Variants in KCNMA1 observed in about 807,000 individuals in gnomAD.
KCNMA1 encodes the protein potassium calcium-activated channel subfamily M alpha 1.
KCNMA1 carries 29 observed loss-of-function variants against 140.0 expected under a neutral mutation model. The observed-to-expected ratio is 0.21, with a 90% CI of 0.15 to 0.28. The LOEUF is 0.28. KCNMA1 is among the 10% of genes least tolerant of loss of function. The pLI, the probability that KCNMA1 is intolerant of heterozygous loss-of-function variation, is 1.00. For synonymous variants in KCNMA1, 612 were observed against 611.9 expected, an observed-to-expected ratio of 1.00 and a Z score of 0.00; for missense variants, 880 against 1,602.2, an observed-to-expected ratio of 0.55 and a Z score of 7.70.
chr10:77,261,460 T>C (rs1183340946), intron 2 of KCNMA1, among the ~76,000 whole-genome samples: 2 of 152,178 alleles, frequency 1.3e-5, no homozygotes, highest in Non-Finnish European at 2.9e-5. Context: ...CAGGTTCGTG[T>C]TCCCCAAACA....
intron 20 of KCNMA1, among the ~76,000 whole-genome samples, chr10:76,968,460 G>A (rs1934229606): frequency 6.6e-6 from 1 of 152,126 alleles, no homozygotes; most frequent in Non-Finnish European, 1.5e-5. Context: ...TGGCTCCAAA[G>A]GTTTCAGATT....
At chr10:77,413,140 T>C (rs287190) in intron 1 of KCNMA1, among the ~76,000 whole-genome samples, 39,245 of 152,056 alleles carry the variant, frequency 0.26, 6,464 homozygotes, top group Admixed American at 0.35. Flanking sequence ...TTTACAGGAG[T>C]GAGCCACCTC....
chr10:77,518,519 G>T (rs1250248308), intron 1 of KCNMA1, among the ~76,000 whole-genome samples: 1 of 152,162 alleles, frequency 6.6e-6, no homozygotes, highest in Non-Finnish European at 1.5e-5. Flanking sequence ...TCTCTCTAGG[G>T]GCTGCTCAGA....
At chr10:77,197,576 G>A (rs1034148712) in intron 3 of KCNMA1, among the ~76,000 whole-genome samples, 24 of 152,238 alleles carry the variant, frequency 1.6e-4, no homozygotes, top group African/African-American at 5.5e-4. Context: ...TCCAGGAGAA[G>A]CCTCAGGCCC....
At chr10:76,926,618 T>TCCCAAATCCC (rs1241024671) in intron 23 of KCNMA1, among the ~76,000 whole-genome samples, 2 of 152,252 alleles carry the variant, frequency 1.3e-5, no homozygotes, top group Admixed American at 6.5e-5. Context: ...TAAAATGAGG[T>TCCCAAATCCC]TGTAGCAATG....
At chr10:77,470,334 C>T (rs1396201129) in intron 1 of KCNMA1, among the ~76,000 whole-genome samples, 4 of 152,074 alleles carry the variant, frequency 2.6e-5, no homozygotes, top group Non-Finnish European at 4.4e-5. Flanking sequence ...AGGTGAGGCC[C>T]GGAAACGTGT....
Position 77,637,606 on chromosome 10 carries a change from CGCTGCT to C in KCNMA1, c.31_36del (p.Ser11_Ser12del), listed in dbSNP as rs757636988. On this transcript the variant is annotated inframe_deletion, in exon 1 of 28. Transcript: ENST00000286628. ...CTGCCTCCGCCGCCGCCGCCGCCGC[CGCTGCT>C]GCCGCCGCCGCCGCCGCCACCATTT... The C allele has an allele frequency of 3.3e-6, 5 of 1,506,148 alleles. No individual in the cohort carries two copies. The highest frequency in any genetic ancestry group is 4.4e-6 in the Non-Finnish European group (5 of 1,129,242). The allele number at this position is 1,506,148 out of a possible 1,614,324, so 93.3% of individuals were successfully genotyped here.
chr10:76,983,579 T>C (rs1387592807), intron 19 of KCNMA1, among the ~76,000 whole-genome samples: 2 of 152,020 alleles, frequency 1.3e-5, no homozygotes, highest in East Asian at 3.9e-4. Context: ...ATACAAAAAT[T>C]AGCTGGGCAT....
At chr10:77,093,142 A>G (rs1227853459) in intron 9 of KCNMA1, among the ~76,000 whole-genome samples, 1 of 152,210 alleles carries the variant, frequency 6.6e-6, no homozygotes, top group Non-Finnish European at 1.5e-5. Flanking sequence ...GCTATCCAAT[A>G]CCATTCTAGA....
intron 5 of KCNMA1, among the ~76,000 whole-genome samples, chr10:77,151,160 CT>C (rs373690605): frequency 0.02 from 2,813 of 142,002 alleles, 96 homozygotes; most frequent in African/African-American, 0.07. Flanking sequence ...TCTTTCTTTT[CT>C]TTTCTTTCTT....
intron 2 of KCNMA1, among the ~76,000 whole-genome samples, chr10:77,295,304 G>C (rs982377155): frequency 4.6e-5 from 7 of 151,844 alleles, no homozygotes; most frequent in Admixed American, 3.3e-4. Context: ...CCGAGATCAT[G>C]CCACTGCACT....
intron 1 of KCNMA1, among the ~76,000 whole-genome samples, chr10:77,503,289 G>A (rs534023311): frequency 4.3e-4 from 65 of 152,196 alleles, no homozygotes; most frequent in African/African-American, 1.5e-3. Context: ...AACTGACCTA[G>A]TACACATTTT....
intron 1 of KCNMA1, among the ~76,000 whole-genome samples, chr10:77,612,249 T>C (rs1480007642): frequency 6.6e-6 from 1 of 152,222 alleles, no homozygotes; most frequent in African/African-American, 2.4e-5. Context: ...GTCACGAAAC[T>C]GGCTGAACTA....
chr10:76,948,623 G>T (rs1051429395), intron 22 of KCNMA1, among the ~76,000 whole-genome samples: 2 of 152,122 alleles, frequency 1.3e-5, no homozygotes, highest in Non-Finnish European at 2.9e-5. Flanking sequence ...CCATGAACAC[G>T]TTGCTGGACT....
At chr10:77,011,920 G>A (rs2090862653) in intron 18 of KCNMA1, 47 bp downstream of exon 18, 2 of 1,499,580 alleles carry the variant, frequency 1.3e-6, no homozygotes, top group Non-Finnish European at 1.9e-6. Flanking sequence ...GGAATTTGGG[G>A]AATAGGAATG....
chr10:77,500,752 C>T (rs1458439591), intron 1 of KCNMA1, among the ~76,000 whole-genome samples: 3 of 152,164 alleles, frequency 2.0e-5, no homozygotes, highest in Non-Finnish European at 4.4e-5. Context: ...CTATTGCTCT[C>T]TCATATATTA....
Position 77,131,964 on chromosome 10 carries a change from CAA to C in KCNMA1, c.809-10918_809-10917del, listed in dbSNP as rs34972346. Among the ~76,000 whole-genome samples the C allele has an allele frequency of 4.4e-3, 411 of 92,498 alleles. 1 individual carries two copies. The highest frequency in any genetic ancestry group is 0.012 in the African/African-American group (298 of 24,154). The allele number at this position is 92,498 out of a possible 152,430, so 60.7% of individuals were successfully genotyped here. A position where few individuals can be genotyped will look rare whatever the true frequency, so the allele number is the denominator to read the frequency against. The stretch of plus-strand genomic sequence containing the variant: ...TGGGCAACAGAGCAAGACTCGGTCT[CAA>C]AAAAAAAAAAAAAAAAGAAAAGAAA... On this transcript the variant is annotated intron_variant, in intron 5 of 27. Transcript: ENST00000286628.
Position 77,012,040 on chromosome 10 carries a change from T to A in KCNMA1, c.2019A>T (p.Ala673=). ...IASDAKEVKR[A]FFYCKACHDD... is the part of the protein sequence containing the mutation. ...CATGACAGGCCTTGCAGTAAAAAAA[T>A]GCCCTGGAGAAAGAGAATGGAAAAA... Residue 673 remains alanine, a synonymous_variant, in exon 18 of 28, where the codon GCA becomes GCT. Transcript: ENST00000286628. The A allele has an allele frequency of 6.2e-7, 1 of 1,613,786 alleles. No homozygotes were observed.
intron 26 of KCNMA1, among the ~76,000 whole-genome samples, chr10:76,891,201 A>T (rs926146947): frequency 6.6e-6 from 1 of 152,216 alleles, no homozygotes; most frequent in African/African-American, 2.4e-5. Context: ...AGGAGGGAGA[A>T]AGCCCACTGG....
Sources: allele counts gnomAD v4.1 joint callset (sites outside exome capture counted in the v4.1 genomes callset), GRCh38; gene constraint gnomAD v4.1.1; transcripts MANE v1.5; gene names NCBI Gene and HGNC (gene_info 2026-07-23, HGNC 2026-07-21).